LIMS1: variants seen among roughly 807,000 people sequenced by gnomAD.
LIMS1 encodes LIM and senescent cell antigen-like-containing domain protein 1.
LIMS1 carries 18 observed loss-of-function variants against 44.1 expected under a neutral mutation model. The ratio of observed to expected loss-of-function variants is 0.41; its 90% CI spans 0.28 to 0.61. The LOEUF (loss-of-function observed/expected upper bound fraction) is 0.61, where lower values mean the gene tolerates loss of function less well. Ranked by LOEUF, LIMS1 falls within the 20% of genes least tolerant of loss-of-function variation. The pLI is 0.32. For missense variants in LIMS1, 201 were observed against 422.0 expected (o/e 0.48, Z 4.59); for synonymous variants, 93 against 149.1 (o/e 0.62, Z 2.74).
intron 1 of LIMS1, among the ~76,000 whole-genome samples, chr2:108,594,871 A>G (rs1001647534): frequency 6.6e-6 from 1 of 152,024 alleles, no homozygotes; most frequent in South Asian, 2.1e-4. Context: ...ACTGGCTACC[A>G]AAGTAGACAG....
At chr2:108,632,541 T>G (rs149248884) in intron 1 of LIMS1, among the ~76,000 whole-genome samples, 3 of 152,298 alleles carry the variant, frequency 2.0e-5, no homozygotes, top group African/African-American at 7.2e-5. Flanking sequence ...AGTCCTGATG[T>G]TCTGGACACC....
chr2:108,589,429 A>G (rs1003012330), intron 1 of LIMS1, among the ~76,000 whole-genome samples: 7 of 152,138 alleles, frequency 4.6e-5, no homozygotes, highest in African/African-American at 1.7e-4. Flanking sequence ...AGATCACCAG[A>G]ACTTACTCTT....
chr2:108,540,407 C>A (rs1426612502), intron 1 of LIMS1, among the ~76,000 whole-genome samples: 1 of 152,044 alleles, frequency 6.6e-6, no homozygotes, highest in East Asian at 1.9e-4. Context: ...ACCGTGTTAG[C>A]CAGGATGGTC....
chr2:108,575,419 T>C (rs1685633128), intron 1 of LIMS1, among the ~76,000 whole-genome samples: 1 of 152,242 alleles, frequency 6.6e-6, no homozygotes, highest in Non-Finnish European at 1.5e-5. Context: ...CCCTTACGGC[T>C]CACAGAGCTG....
At chr2:108,603,204 A>C (rs1421615472) in intron 1 of LIMS1, among the ~76,000 whole-genome samples, 2 of 152,120 alleles carry the variant, frequency 1.3e-5, no homozygotes, top group Admixed American at 1.3e-4. Flanking sequence ...TTTCAGTAGG[A>C]TTAGTAGTAG....
intron 1 of LIMS1, among the ~76,000 whole-genome samples, chr2:108,543,279 A>G (rs1442033610): frequency 6.6e-6 from 1 of 152,188 alleles, no homozygotes; most frequent in East Asian, 1.9e-4. Flanking sequence ...AAAAATTTTA[A>G]AATTAGCTGG....
intron 1 of LIMS1, among the ~76,000 whole-genome samples, chr2:108,580,090 C>T (rs1321497603): frequency 1.3e-5 from 2 of 152,122 alleles, no homozygotes; most frequent in Non-Finnish European, 2.9e-5. Context: ...ACAGAAGCTT[C>T]AAAGAAATTT....
At chr2:108,541,305 G>A (rs1684307604) in intron 1 of LIMS1, among the ~76,000 whole-genome samples, 1 of 152,142 alleles carries the variant, frequency 6.6e-6, no homozygotes, top group South Asian at 2.1e-4. Context: ...TTTAAAGCTG[G>A]GCACATTGCT....
At chr2:108,551,875 ATGTATATATGTG>A in intron 1 of LIMS1, among the ~76,000 whole-genome samples, 1 of 145,940 alleles carries the variant, frequency 6.9e-6, no homozygotes, top group Non-Finnish European at 1.5e-5. Context: ...ATGTATACAT[ATGTATATATGTG>A]TATATACATG....
At chr2:108,583,080 C>G (rs1440019530) in intron 1 of LIMS1, among the ~76,000 whole-genome samples, 1 of 151,756 alleles carries the variant, frequency 6.6e-6, no homozygotes, top group Admixed American at 6.6e-5. Context: ...TTCTTATTGC[C>G]CAGGCTGGAG....
chr2:108,664,103 A>G (rs1220178009), intron 2 of LIMS1, among the ~76,000 whole-genome samples: 1 of 152,176 alleles, frequency 6.6e-6, no homozygotes, highest in Non-Finnish European at 1.5e-5. Context: ...TGTTTTACAA[A>G]GAGGTTTCTT....
At chr2:108,674,012 G>C (rs993424154) in intron 5 of LIMS1, 1 of 152,122 alleles carries the variant, frequency 6.6e-6, no homozygotes, top group African/African-American at 2.4e-5. Context: ...TCAGTTTGCT[G>C]CCTAGTATAA....
intron 2 of LIMS1, among the ~76,000 whole-genome samples, chr2:108,665,489 G>C (rs1388444631): frequency 1.3e-5 from 2 of 152,082 alleles, no homozygotes; most frequent in African/African-American, 4.8e-5. Flanking sequence ...GTAGGCAGTA[G>C]TTACAACAGC....
intron 1 of LIMS1, among the ~76,000 whole-genome samples, chr2:108,569,134 GC>G (rs1371549263): frequency 1.3e-5 from 2 of 152,058 alleles, no homozygotes; most frequent in African/African-American, 2.4e-5. Context: ...CTCATGATCT[GC>G]CTACCTCATC....
chr2:108,634,566 T>C (rs974373438), intron 1 of LIMS1, among the ~76,000 whole-genome samples: 2 of 152,216 alleles, frequency 1.3e-5, no homozygotes, highest in Admixed American at 6.5e-5. Context: ...AAGCTGTGCC[T>C]TCTGAATGTG....
intron 1 of LIMS1, among the ~76,000 whole-genome samples, chr2:108,577,532 A>G (rs1196521720): frequency 3.3e-5 from 5 of 152,358 alleles, no homozygotes; most frequent in South Asian, 2.1e-4. Flanking sequence ...GAAGTTTTCA[A>G]TGTGTATGTA....
At chr2:108,663,750 T>A (rs138509516) in intron 2 of LIMS1, among the ~76,000 whole-genome samples, 6,000 of 150,180 alleles carry the variant, frequency 0.04, 160 homozygotes, top group Non-Finnish European at 0.06. Flanking sequence ...TTTAATTTTT[T>A]ATTTTTATTT....
At chr2:108,676,497 T>C in intron 6 of LIMS1, 109 bp from the exon 7 acceptor site, 1 of 1,314,968 alleles carries the variant, frequency 7.6e-7, no homozygotes, top group African/African-American at 1.5e-5. Context: ...ATGAAATGAC[T>C]GTCTCAAACT....
intron 1 of LIMS1, among the ~76,000 whole-genome samples, chr2:108,601,173 G>A (rs1313985924): frequency 2.6e-5 from 4 of 152,130 alleles, no homozygotes; most frequent in East Asian, 1.9e-4. Flanking sequence ...TTTATCCCAC[G>A]TAAATGGCAA....
Sources: gnomAD v4.1 joint callset for allele counts (sites outside exome capture counted in the v4.1 genomes callset) on GRCh38, gnomAD v4.1.1 for gene constraint, MANE v1.5 for transcripts, NCBI Gene and HGNC (gene_info 2026-07-23, HGNC 2026-07-21) for gene names.